The following SDK1 variants were observed in gnomAD, a reference collection of about 807,000 sequenced individuals.
SDK1 encodes sidekick cell adhesion molecule 1.
SDK1 carries 157 observed loss-of-function variants against 245.5 expected under a neutral mutation model. That is an observed-to-expected ratio of 0.64 (90% CI 0.56 to 0.73). SDK1 has a LOEUF of 0.73. SDK1 is among the 30% of genes least tolerant of loss of function. SDK1 has a pLI of 0.00. For synonymous variants in SDK1, 1,647 were observed against 1,278.5 expected (o/e 1.29, Z -6.15); for missense variants, 3,583 against 3,002.3 (o/e 1.19, Z -4.52).
chr7:4,110,567 C>A, intron 22 of SDK1, 96 bp from the exon 23 acceptor site: 3 of 859,704 alleles, frequency 3.5e-6, no homozygotes, highest in Non-Finnish European at 3.9e-6. Context: ...TGCAGCCCTG[C>A]CCAGCTCACC....
intron 4 of SDK1, among the ~76,000 whole-genome samples, chr7:3,769,096 C>G (rs925029477): frequency 1.3e-5 from 2 of 152,066 alleles, no homozygotes; most frequent in Non-Finnish European, 1.5e-5. Flanking sequence ...TATTTGGAAA[C>G]AATTATTGAA....
chr7:3,954,472 ACGCCCTC>A (rs1346130335), intron 7 of SDK1, among the ~76,000 whole-genome samples: 1 of 1,504 alleles, frequency 6.6e-4, no homozygotes, highest in Non-Finnish European at 1.4e-3. Context: ...CCTCCCCTCT[ACGCCCTC>A]CACCCTCCCC....
intron 13 of SDK1, among the ~76,000 whole-genome samples, chr7:3,986,339 C>T (rs1783824217): frequency 6.6e-6 from 1 of 152,104 alleles, no homozygotes; most frequent in Admixed American, 6.5e-5. Context: ...TCCAAATCCC[C>T]ATAACTCCAG....
At chr7:4,050,951 A>G (rs1454916104) in intron 18 of SDK1, among the ~76,000 whole-genome samples, 1 of 142,376 alleles carries the variant, frequency 7.0e-6, no homozygotes, top group Non-Finnish European at 1.5e-5. Flanking sequence ...ATACGTATAT[A>G]TTATATATAC....
chr7:3,969,463 A>G, intron 11 of SDK1, 39 bp downstream of exon 11: 1 of 1,477,648 alleles, frequency 6.8e-7, no homozygotes, highest in Non-Finnish European at 9.1e-7. Flanking sequence ...TCTGTTAGCC[A>G]CGGTTTAATC....
chr7:3,475,805 A>G (rs17133409), intron 1 of SDK1, among the ~76,000 whole-genome samples: 26,294 of 152,058 alleles, frequency 0.17, 2,520 homozygotes, highest in African/African-American at 0.25. Flanking sequence ...TTCATAGTGG[A>G]ACTGCATTTA....
chr7:3,484,185 C>G (rs1242362227), intron 1 of SDK1, among the ~76,000 whole-genome samples: 2 of 152,178 alleles, frequency 1.3e-5, no homozygotes, highest in Admixed American at 1.3e-4. Flanking sequence ...GTGGCCCTGC[C>G]AAACCCACGG....
chr7:4,162,526 A>G (rs1328355325), intron 32 of SDK1, among the ~76,000 whole-genome samples: 1 of 151,828 alleles, frequency 6.6e-6, no homozygotes, highest in East Asian at 1.9e-4. Context: ...CAGCCTCCCA[A>G]GTAGCTGGGA....
intron 4 of SDK1, among the ~76,000 whole-genome samples, chr7:3,779,427 G>T (rs1583405331): frequency 3.3e-5 from 5 of 151,674 alleles, no homozygotes; most frequent in Non-Finnish European, 7.4e-5. Flanking sequence ...TGTTTGTGAA[G>T]TGGTGTGGCA....
rs181994210 is a variant in SDK1, at chr7:3,627,364, G to C, written c.458+8125G>C. Among the ~76,000 whole-genome samples the C allele has an allele frequency of 4.8e-3, 732 of 152,270 alleles. 5 individuals carry two copies. The highest frequency in any genetic ancestry group is 7.5e-3 in the Admixed American group (114 of 15,300). ...ATACCTCCTTCAATAAGTACAATGA[G>C]TCCCTGATCTGGGACAATTCTGTGC... is the stretch of plus-strand genomic sequence containing the variant. On this transcript the variant is annotated intron_variant, in intron 2 of 44. Coordinates refer to ENST00000404826, the MANE Select transcript of SDK1 (RefSeq NM_152744.4).
At chr7:4,147,591 A>T (rs1780063443) in intron 29 of SDK1, among the ~76,000 whole-genome samples, 1 of 152,254 alleles carries the variant, frequency 6.6e-6, no homozygotes, top group East Asian at 1.9e-4. Context: ...CAGTGAAAGC[A>T]CATCCCCTCT....
chr7:3,308,126 A>G (rs1406604827), intron 1 of SDK1, among the ~76,000 whole-genome samples: 2 of 152,202 alleles, frequency 1.3e-5, no homozygotes, highest in Non-Finnish European at 2.9e-5. Context: ...GTTCTGTAAA[A>G]CAAATTGGTG....
chr7:3,871,209 A>G (rs1318617513), intron 5 of SDK1, among the ~76,000 whole-genome samples: 2 of 151,874 alleles, frequency 1.3e-5, no homozygotes, highest in East Asian at 3.9e-4. Context: ...TCTTTCCCCC[A>G]AATTCCCATT....
intron 44 of SDK1, among the ~76,000 whole-genome samples, chr7:4,262,308 A>C (rs1184034309): frequency 6.6e-6 from 1 of 151,822 alleles, no homozygotes; most frequent in Non-Finnish European, 1.5e-5. Context: ...CGCTCGCCTC[A>C]GCCACCCAAA....
At chr7:4,158,903 TG>T (rs1312165465) in intron 31 of SDK1, among the ~76,000 whole-genome samples, 1 of 152,232 alleles carries the variant, frequency 6.6e-6, no homozygotes, top group Non-Finnish European at 1.5e-5. Flanking sequence ...AGCCACTCTT[TG>T]ACAACAGCGC....
chr7:4,070,900 G>A (rs1397216804), intron 20 of SDK1, among the ~76,000 whole-genome samples: 4 of 150,776 alleles, frequency 2.7e-5, no homozygotes, highest in Non-Finnish European at 5.9e-5. Flanking sequence ...TAGTGAAGGC[G>A]GGGGTTTCAC....
chr7:3,544,467 A>G (rs1583147894), intron 1 of SDK1, among the ~76,000 whole-genome samples: 1 of 152,228 alleles, frequency 6.6e-6, no homozygotes, highest in Non-Finnish European at 1.5e-5. Flanking sequence ...TGAGGGGCGA[A>G]GTCTTTCCCA....
At chr7:4,144,727 G>A (rs986532559) in intron 28 of SDK1, among the ~76,000 whole-genome samples, 6 of 152,128 alleles carry the variant, frequency 3.9e-5, no homozygotes, top group African/African-American at 1.4e-4. Flanking sequence ...GGGGTCGCCC[G>A]GCAGCTCCTC....
chr7:3,870,489 A>C (rs1474111338), intron 5 of SDK1, among the ~76,000 whole-genome samples: 1 of 152,184 alleles, frequency 6.6e-6, no homozygotes, highest in Non-Finnish European at 1.5e-5. Context: ...TGCTCCTTCA[A>C]GATGCTCTCG....
Sources: allele counts gnomAD v4.1 joint callset (sites outside exome capture counted in the v4.1 genomes callset), GRCh38; gene constraint gnomAD v4.1.1; transcripts MANE v1.5; gene names NCBI Gene and HGNC (gene_info 2026-07-23, HGNC 2026-07-21).